Variants in SCAMP3 observed in about 807,000 individuals in gnomAD.
SCAMP3 encodes the protein secretory carrier-associated membrane protein 3.
A neutral mutation model predicts 44.1 loss-of-function variants in SCAMP3; 30 were observed. The ratio of observed to expected loss-of-function variants is 0.68; its 90% CI spans 0.51 to 0.92. SCAMP3 has a LOEUF of 0.92. SCAMP3 is among the 40% of genes least tolerant of loss of function. The pLI is 0.00. For synonymous variants in SCAMP3, 168 were observed against 171.1 expected (o/e 0.98, Z 0.14); for missense variants, 394 against 440.0 (o/e 0.90, Z 0.93).
intron 5 of SCAMP3, 77 bp from the exon 6 acceptor site, chr1:155,257,734 A>G: frequency 2.2e-6 from 3 of 1,354,298 alleles, no homozygotes; most frequent in Admixed American, 2.1e-5. Flanking sequence ...CTCATCCTAT[A>G]ATATTCACCA....
intron 8 of SCAMP3, 90 bp downstream of exon 8, chr1:155,256,584 A>G: frequency 7.2e-7 from 1 of 1,381,896 alleles, no homozygotes; most frequent in South Asian, 1.2e-5. Flanking sequence ...CAGCAGCCTG[A>G]CCTGTGCCAG....
At chr1:155,261,618 C>T in intron 2 of SCAMP3, 39 bp downstream of exon 2, 1 of 1,582,500 alleles carries the variant, frequency 6.3e-7, no homozygotes, top group South Asian at 1.1e-5. Context: ...CTGGCAAACC[C>T]TTCCCTTCCT....
intron 5 of SCAMP3, among the ~76,000 whole-genome samples, chr1:155,257,936 C>G (rs557799151): frequency 1.3e-5 from 2 of 152,210 alleles, no homozygotes; most frequent in Admixed American, 6.5e-5. Flanking sequence ...GCTCCGCCTC[C>G]CCGGTTCACG....
In SCAMP3 at chr1:155,257,619, G is replaced by C. The variant is rs1426438654; in HGVS notation, c.556C>G (p.Leu186Val). 1 of 1,574,890 alleles carries C rather than the reference G, an allele frequency of 6.3e-7. No homozygotes were observed. The highest frequency in any genetic ancestry group is 1.8e-5 in the Admixed American group (1 of 54,118). ...LALLLNFLAC[L>V]ASFCVETNNG... ...TTGGTTTCCACACAGAAGCTGGCCA[G>C]GCAGGCGAGGAAGTTCAGGAGAAGA... is the stretch of plus-strand genomic sequence containing the variant. The change falls in exon 6 of 9, where the codon CTG becomes GTG. Residue 186 changes from leucine (L) to valine (V), a missense_variant. Coordinates refer to ENST00000302631, the MANE Select transcript of SCAMP3 (RefSeq NM_005698.4).
chr1:155,256,242 A>G lies in SCAMP3; in HGVS notation c.*31T>C. On this transcript the variant is annotated 3_prime_UTR_variant, in exon 9 of 9. Transcript: ENST00000302631. ...GACGGGAGCTAAGTCAGCTCCCTCA[A>G]GTAGCAGGGCCAGGGCATCCCAGTC... 6.6e-7 allele frequency: 1 copy of G among 1,525,078 alleles called. No individual in the cohort carries two copies. Among genetic ancestry groups the G allele is most frequent in the Non-Finnish European group, 8.8e-7 (1 of 1,134,460 alleles). The allele number at this position is 1,525,078 out of a possible 1,614,324, so 94.5% of individuals were successfully genotyped here.
rs772555464 is a variant in SCAMP3 at position 155,257,350 on chromosome 1, G to A, written c.714C>T (p.Phe238=). ...AGAGCACATCCTGGACGAAGAAAAT[G>A]AAGAAGAAAACGAAGAAATTGAATG... ...DSSFNFFVFF[F]IFFVQDVLFV... is the part of the protein sequence containing the mutation. The change falls in exon 7 of 9, where the codon TTC becomes TTT. Residue 238 remains phenylalanine, a synonymous_variant. Transcript: ENST00000302631. The A allele has an allele frequency of 6.2e-7, 1 of 1,614,050 alleles. No homozygotes were observed. Among genetic ancestry groups the A allele is most frequent in the South Asian group, 1.1e-5 (1 of 91,066 alleles).
At chr1:155,261,998 C>T (rs1672978515) in intron 1 of SCAMP3, 88 bp downstream of exon 1, 2 of 1,342,552 alleles carry the variant, frequency 1.5e-6, no homozygotes, top group Non-Finnish European at 2.1e-6. Context: ...GATCAAATGT[C>T]ACAAATGGGG....
At position 155,258,908 on chromosome 1, in the gene SCAMP3, C is replaced by A; in HGVS notation, c.435G>T (p.Gln145His). 1.9e-6 allele frequency: 3 copies of A among 1,613,240 alleles called. No individual in the cohort carries two copies. The highest frequency in any genetic ancestry group is 2.5e-6 in the Non-Finnish European group (3 of 1,179,674). ...TGGAGATGTCCTGGAAAAAGCAGGG[C>A]TGAACTGGACAAAAAGAAGGTAGAG... ...WPPLPSFCPVQPCFFQDISME... is the reference protein window; with the variant it reads ...WPPLPSFCPVHPCFFQDISME... The change falls in exon 5 of 9, where the codon CAG becomes CAT. Residue 145 changes from glutamine (Q) to histidine (H), a missense_variant. Physicochemically the swap from Gln to His is conservative, Grantham distance 24. Transcript: ENST00000302631.
Position 155,256,091 on chromosome 1 carries a change from G to C in SCAMP3, c.*182C>G. ...AGAGGTGGCAGCAGTGTGGCCTGAT[G>C]GGGGGACTAGGTCACAGTGAACTCC... On this transcript the variant is annotated 3_prime_UTR_variant, in exon 9 of 9. Transcript: ENST00000302631. The C allele has an allele frequency of 2.0e-6, 1 of 500,154 alleles. No homozygotes were observed. Among genetic ancestry groups the C allele is most frequent in the Non-Finnish European group, 3.5e-6 (1 of 289,200 alleles). The allele number at this position is 500,154 out of a possible 1,614,324, so 31.0% of individuals were successfully genotyped here.
In SCAMP3 at chr1:155,258,871, G is replaced by A. The variant is rs1672879315; in HGVS notation, c.472C>T (p.Gln158Ter). ...FFQDISMEIP[Q>*]EFQKTVSTMY... ...GTGGATACAGTCTTCTGAAATTCTT[G>A]GGGGATCTCCATGGAGATGTCCTGG... Residue 158 changes from glutamine (Q) to a stop codon, truncating the protein, a stop_gained, in exon 5 of 9, where the codon CAA becomes TAA. Transcript: ENST00000302631. LOFTEE classifies it high-confidence loss of function. 1 of 1,613,026 alleles carries A rather than the reference G, an allele frequency of 6.2e-7. No individual in the cohort carries two copies. The highest frequency in any genetic ancestry group is 1.7e-5 in the Admixed American group (1 of 59,908).
intron 4 of SCAMP3, among the ~76,000 whole-genome samples, chr1:155,259,955 G>GTT (rs1397736683): frequency 9.3e-5 from 13 of 140,040 alleles, no homozygotes; most frequent in South Asian, 2.3e-4. Flanking sequence ...CCAGGTTTGT[G>GTT]TTTTTTTTTT....
Position 155,262,295 on chromosome 1 carries a change from GC to G in SCAMP3, c.-145del. 1.4e-6 allele frequency: 1 copy of G among 714,066 alleles called. No individual in the cohort carries two copies. The highest frequency in any genetic ancestry group is 2.3e-6 in the Non-Finnish European group (1 of 441,152). 44.2% of individuals were successfully genotyped at this position (714,066 alleles called of 1,614,324 possible). A position where few individuals can be genotyped will look rare whatever the true frequency, so the allele number is the denominator to read the frequency against. Reference sequence around the variant, plus strand: ...CGGATTGGTTCCACCGACCGGAAGGGCCACAAGGATCCCCGCAGCAGCCGTG... The same window carrying G: ...CGGATTGGTTCCACCGACCGGAAGGGCACAAGGATCCCCGCAGCAGCCGTG... On this transcript the variant is annotated 5_prime_UTR_variant, in exon 1 of 9. Coordinates refer to ENST00000302631, the MANE Select transcript of SCAMP3 (RefSeq NM_005698.4).
chr1:155,256,287 A>G lies in SCAMP3; in HGVS notation c.1030T>C (p.Phe344Leu). The change falls in exon 9 of 9, where the codon TTC becomes CTC. Residue 344 changes from phenylalanine (F) to leucine (L), a missense_variant. Transcript: ENST00000302631. ...CCAGTCAGGGGTCACGGGGCCCGGA[A>G]GGCATTTTCAGCAGCCCCAGCGGCT... ...NAAAGAAENA[F>L]RAP The G allele has an allele frequency of 6.3e-7, 1 of 1,580,820 alleles. No homozygotes were observed. Among genetic ancestry groups the G allele is most frequent in the Non-Finnish European group, 8.6e-7 (1 of 1,159,088 alleles).
At chr1:155,257,712 T>C in intron 5 of SCAMP3, 55 bp from the exon 6 acceptor site, 1 of 1,478,728 alleles carries the variant, frequency 6.8e-7, no homozygotes, top group Non-Finnish European at 9.2e-7. Flanking sequence ...TGAAGGCTCC[T>C]TCCCATCTAT....
chr1:155,261,091 C>A (rs1478601697), intron 2 of SCAMP3: 4 of 180,492 alleles, frequency 2.2e-5, no homozygotes, highest in Non-Finnish European at 3.5e-5. Flanking sequence ...CTACACCTAG[C>A]CAATTTTTAA....
Position 155,262,074 on chromosome 1 carries a change from G to A in SCAMP3, c.66+12C>T. 1 of 1,613,592 alleles carries A rather than the reference G, an allele frequency of 6.2e-7. No individual in the cohort carries two copies. Among genetic ancestry groups the A allele is most frequent in the East Asian group, 2.2e-5 (1 of 44,864 alleles). ...CCTGACCGCCCAAAAGAGGCCGACT[G>A]GCGCAAGTCACCTGAAAGGGGTTGT... On this transcript the variant is annotated intron_variant, in intron 1 of 8. Transcript: ENST00000302631.
chr1:155,257,365 G>T lies in SCAMP3; in HGVS notation c.699C>A (p.Phe233Leu), dbSNP rs768126640. The change falls in exon 7 of 9, where the codon TTC becomes TTA. Residue 233 changes from phenylalanine to leucine, a missense_variant. Phe to Leu is a conservative substitution (Grantham distance 22). Transcript: ENST00000302631. ...KAFRSDSSFN[F>L]FVFFFIFFVQ... ...CGAAGAAAATGAAGAAGAAAACGAA[G>T]AAATTGAATGAACTGTCACTCCTAC... 6.2e-7 allele frequency: 1 copy of T among 1,613,842 alleles called. No individual in the cohort carries two copies. The highest frequency in any genetic ancestry group is 1.1e-5 in the South Asian group (1 of 91,040).
Position 155,257,489 on chromosome 1 carries a change from C to T in SCAMP3, c.677+9G>A. The T allele has an allele frequency of 1.2e-6, 2 of 1,613,496 alleles. No homozygotes were observed. The highest frequency in any genetic ancestry group is 4.5e-5 in the East Asian group (2 of 44,882). On this transcript the variant is annotated intron_variant, in intron 6 of 8. Transcript: ENST00000302631. ...GTCTCCATCACTCTCCCACCACTAA[C>T]ACACTTACCGGAAAGCCTTATACAT...
At chr1:155,261,856 G>A (rs376455114) in intron 1 of SCAMP3, 122 bp from the exon 2 acceptor site, 2 of 959,602 alleles carry the variant, frequency 2.1e-6, no homozygotes, top group East Asian at 5.0e-5. Flanking sequence ...CGTTGTCCCA[G>A]GACTGGGACA....
Sources: allele counts gnomAD v4.1 joint callset (sites outside exome capture counted in the v4.1 genomes callset), GRCh38; gene constraint gnomAD v4.1.1; transcripts MANE v1.5; gene names NCBI Gene and HGNC (gene_info 2026-07-23, HGNC 2026-07-21).